The following SHISA9 variants were observed in gnomAD, a reference collection of about 807,000 sequenced individuals.
SHISA9 encodes shisa family member 9.
In SHISA9, 13 loss-of-function variants were observed where a neutral mutation model predicts 38.0. The ratio of observed to expected loss-of-function variants is 0.34; its 90% confidence interval spans 0.22 to 0.54. The LOEUF (loss-of-function observed/expected upper bound fraction) is 0.54, where lower values mean the gene tolerates loss of function less well. SHISA9 is among the 20% of genes least tolerant of loss of function. The pLI, the probability that SHISA9 is intolerant of heterozygous loss-of-function variation, is 0.91. For synonymous variants in SHISA9, 275 were observed against 242.0 expected (o/e 1.14, Z -1.27); for missense variants, 538 against 575.8 (o/e 0.93, Z 0.67).
chr16:13,192,816 A>G (rs1179697558), intron 2 of SHISA9, among the ~76,000 whole-genome samples: 1 of 152,068 alleles, frequency 6.6e-6, no homozygotes, highest in Non-Finnish European at 1.5e-5. Flanking sequence ...TGGAGGTTGC[A>G]GTGAGCTGAG....
chr16:13,187,334 T>C (rs1039254886), intron 2 of SHISA9, among the ~76,000 whole-genome samples: 33 of 117,750 alleles, frequency 2.8e-4, no homozygotes, highest in Admixed American at 2.6e-3. Context: ...TTTTCTTTTT[T>C]TTTTTTTTTT....
Position 13,147,633 on chromosome 16 carries a change from T to C in SHISA9, c.692-55761T>C, listed in dbSNP as rs190606140. Among the ~76,000 whole-genome samples the C allele has an allele frequency of 1.1e-3, 174 of 152,210 alleles. 1 individual carries two copies. Among genetic ancestry groups the C allele is most frequent in the Middle Eastern group, 3.4e-3 (1 of 294 alleles). ...GCACAACACCACGCCTGGCTAATTT[T>C]TGTATTTTTAGTAGAGACAGGGTTT... On this transcript the variant is annotated intron_variant, in intron 2 of 4. Transcript: ENST00000558583.
At chr16:13,150,618 C>T (rs149407239) in intron 2 of SHISA9, among the ~76,000 whole-genome samples, 2 of 152,320 alleles carry the variant, frequency 1.3e-5, no homozygotes, top group East Asian at 3.9e-4. Context: ...TGCAGAATTT[C>T]AGCCCTACCC....
chr16:13,480,503 T>C, the SHISA9 span, among the ~76,000 whole-genome samples: 1 of 152,194 alleles, frequency 6.6e-6, no homozygotes, highest in African/African-American at 2.4e-5. Context: ...ACTCAGAACC[T>C]TGAGGTTCCT....
chr16:13,048,086 G>A (rs1448052589), intron 2 of SHISA9, among the ~76,000 whole-genome samples: 4 of 152,174 alleles, frequency 2.6e-5, no homozygotes, highest in African/African-American at 4.8e-5. Context: ...GGGAGACCAC[G>A]CTCCAAACCA....
chr16:13,360,735 G>A, the SHISA9 span, among the ~76,000 whole-genome samples: 2 of 152,138 alleles, frequency 1.3e-5, no homozygotes, highest in East Asian at 1.9e-4. Flanking sequence ...CGCATAGGTG[G>A]AGCCGAGGAG....
the SHISA9 span, among the ~76,000 whole-genome samples, chr16:13,461,312 G>A: frequency 6.6e-6 from 1 of 152,180 alleles, no homozygotes; most frequent in African/African-American, 2.4e-5. Context: ...AAGCGCAGTG[G>A]CTAACACCTG....
the SHISA9 span, among the ~76,000 whole-genome samples, chr16:13,248,187 C>T: frequency 6.6e-6 from 1 of 152,064 alleles, no homozygotes; most frequent in Non-Finnish European, 1.5e-5. Flanking sequence ...TTCTTTTTCA[C>T]GTGGAGTCAA....
chr16:13,109,753 A>T (rs1179326610), intron 2 of SHISA9, among the ~76,000 whole-genome samples: 1 of 152,160 alleles, frequency 6.6e-6, no homozygotes, highest in Non-Finnish European at 1.5e-5. Context: ...TTACATGTGA[A>T]TGGAATTATA....
the SHISA9 span, among the ~76,000 whole-genome samples, chr16:13,546,831 G>C: frequency 6.6e-6 from 1 of 152,168 alleles, no homozygotes; most frequent in Non-Finnish European, 1.5e-5. Flanking sequence ...CATACGGTCT[G>C]TTAAGCCTAA....
chr16:13,205,934 T>TC, intron 3 of SHISA9, among the ~76,000 whole-genome samples: 1 of 151,532 alleles, frequency 6.6e-6, no homozygotes, highest in Non-Finnish European at 1.5e-5. Context: ...GCTAATTTTT[T>TC]TTTTTTTTTT....
At chr16:12,969,036 A>C (rs1480500994) in intron 2 of SHISA9, among the ~76,000 whole-genome samples, 1 of 152,000 alleles carries the variant, frequency 6.6e-6, no homozygotes, top group East Asian at 1.9e-4. Context: ...GCGCACCTGT[A>C]GTCCCAGCTA....
chr16:13,542,702 A>G, the SHISA9 span, among the ~76,000 whole-genome samples: 237 of 152,354 alleles, frequency 1.6e-3, no homozygotes, highest in Non-Finnish European at 3.0e-3. Context: ...TCTTTGGACT[A>G]CAAGTGGTGT....
chr16:13,155,589 G>GT (rs141225833), intron 2 of SHISA9, among the ~76,000 whole-genome samples: 6 of 151,294 alleles, frequency 4.0e-5, no homozygotes, highest in South Asian at 2.1e-4. Context: ...TTGTGTGTGT[G>GT]GTGTGTGTGT....
Position 12,916,831 on chromosome 16 carries a change from T to A in SHISA9, c.691+16T>A, listed in dbSNP as rs2071265384. The A allele has an allele frequency of 1.3e-6, 2 of 1,550,584 alleles. No homozygotes were observed. Among genetic ancestry groups the A allele is most frequent in the Non-Finnish European group, 1.7e-6 (2 of 1,146,302 alleles). ...AATAATCTTCGTAAGTACAGCTGCATGAACCATTTCCAGTCCCATGGGGTG... is the reference window on the plus strand; with the variant it reads ...AATAATCTTCGTAAGTACAGCTGCAAGAACCATTTCCAGTCCCATGGGGTG... On this transcript the variant is annotated intron_variant, in intron 2 of 4. Transcript: ENST00000558583.
intron 2 of SHISA9, among the ~76,000 whole-genome samples, chr16:12,938,624 A>G (rs535575527): frequency 6.6e-6 from 1 of 151,778 alleles, no homozygotes; most frequent in East Asian, 1.9e-4. Flanking sequence ...CGGCCTCCTG[A>G]GTAGCTGGGA....
chr16:13,117,739 A>G (rs1367543615), intron 2 of SHISA9, among the ~76,000 whole-genome samples: 1 of 152,204 alleles, frequency 6.6e-6, no homozygotes, highest in African/African-American at 2.4e-5. Flanking sequence ...TGGCCTCCAG[A>G]ACTGAGAGGA....
the SHISA9 span, among the ~76,000 whole-genome samples, chr16:13,302,217 C>G: frequency 1.1e-4 from 17 of 152,088 alleles, no homozygotes; most frequent in Non-Finnish European, 2.2e-4. Flanking sequence ...GTTTGTCCCC[C>G]CATTGAACTT....
At chr16:12,925,974 C>G (rs112423386) in intron 2 of SHISA9, among the ~76,000 whole-genome samples, 1,773 of 152,282 alleles carry the variant, frequency 0.012, 30 homozygotes, top group African/African-American at 0.04. Flanking sequence ...GATCCACCTG[C>G]CTCGGCCTCC....
Sources: allele counts gnomAD v4.1 joint callset (sites outside exome capture counted in the v4.1 genomes callset), GRCh38; gene constraint gnomAD v4.1.1; transcripts MANE v1.5; gene names NCBI Gene and HGNC (gene_info 2026-07-23, HGNC 2026-07-21).